Variants in TNIK observed in about 807,000 individuals in gnomAD.
TNIK encodes the protein TRAF2 and NCK interacting kinase, also known as TRAF2 and NCK-interacting protein kinase.
Under a neutral mutation model 191.3 loss-of-function variants are expected in TNIK, and 49 were observed. The ratio of observed to expected loss-of-function variants is 0.26; its 90% CI spans 0.20 to 0.32. The LOEUF (loss-of-function observed/expected upper bound fraction) is 0.32, where lower values mean the gene tolerates loss of function less well. Ranked by LOEUF, TNIK falls within the 10% of genes least tolerant of loss-of-function variation. The pLI, the probability that TNIK is intolerant of heterozygous loss-of-function variation, is 1.00. For missense variants in TNIK, 1,155 were observed against 1,702.3 expected (o/e 0.68, Z 5.66); for synonymous variants, 594 against 600.9 (o/e 0.99, Z 0.17).
intron 1 of TNIK, among the ~76,000 whole-genome samples, chr3:171,385,891 A>C (rs1718663777): frequency 6.6e-6 from 1 of 152,234 alleles, no homozygotes; most frequent in Non-Finnish European, 1.5e-5. Flanking sequence ...ACAAAATGGC[A>C]GACATGCATG....
intron 24 of TNIK, 59 bp downstream of exon 24, chr3:171,087,283 G>A: frequency 2.5e-6 from 4 of 1,603,742 alleles, no homozygotes; most frequent in Non-Finnish European, 3.4e-6. Flanking sequence ...AGAGATCATG[G>A]TTTTAGAACC....
intron 2 of TNIK, among the ~76,000 whole-genome samples, chr3:171,282,404 C>T (rs143189983): frequency 0.022 from 3,142 of 144,776 alleles, 100 homozygotes; most frequent in African/African-American, 0.075. Flanking sequence ...TACAATGGCG[C>T]GATCTCAGCT....
At chr3:171,217,607 G>A (rs1741604082) in intron 3 of TNIK, among the ~76,000 whole-genome samples, 1 of 152,094 alleles carries the variant, frequency 6.6e-6, no homozygotes, top group African/African-American at 2.4e-5. Flanking sequence ...CTATATTCCA[G>A]TCATAATTGT....
intron 5 of TNIK, 139 bp downstream of exon 5, chr3:171,194,383 CACT>C (rs1738410201): frequency 9.8e-6 from 7 of 716,808 alleles, no homozygotes; most frequent in South Asian, 1.9e-5. Flanking sequence ...CCACCACCAC[CACT>C]GATAGGATAA....
intron 1 of TNIK, among the ~76,000 whole-genome samples, chr3:171,412,806 C>T (rs1722574353): frequency 6.6e-6 from 1 of 152,174 alleles, no homozygotes; most frequent in African/African-American, 2.4e-5. Context: ...GGGATAATAC[C>T]ATCTAATTCT....
chr3:171,392,544 C>A (rs1383269906), intron 1 of TNIK, among the ~76,000 whole-genome samples: 2 of 151,920 alleles, frequency 1.3e-5, no homozygotes, highest in African/African-American at 2.4e-5. Flanking sequence ...CTTTGGGAGG[C>A]CAAAGTGGGT....
intron 3 of TNIK, among the ~76,000 whole-genome samples, chr3:171,224,390 AG>A (rs1340239757): frequency 1.3e-5 from 2 of 152,092 alleles, no homozygotes; most frequent in Non-Finnish European, 2.9e-5. Flanking sequence ...TATGCACTTC[AG>A]GGTGTCACTG....
chr3:171,314,936 A>G (rs1754441171), intron 2 of TNIK, among the ~76,000 whole-genome samples: 1 of 152,178 alleles, frequency 6.6e-6, no homozygotes, highest in African/African-American at 2.4e-5. Context: ...TTAATATCAC[A>G]AATTCCTGAG....
intron 1 of TNIK, among the ~76,000 whole-genome samples, chr3:171,423,643 C>G (rs1350420889): frequency 6.6e-6 from 1 of 152,084 alleles, no homozygotes; most frequent in African/African-American, 2.4e-5. Flanking sequence ...AGATACAGAC[C>G]AATGGAACAG....
chr3:171,230,972 T>C (rs1296396804), intron 2 of TNIK, among the ~76,000 whole-genome samples: 1 of 152,204 alleles, frequency 6.6e-6, no homozygotes. Flanking sequence ...ACTCCCCTCA[T>C]TCCTGAGGGA....
At chr3:171,086,951 C>T (rs1313249441) in intron 24 of TNIK, among the ~76,000 whole-genome samples, 1 of 152,174 alleles carries the variant, frequency 6.6e-6, no homozygotes, top group Admixed American at 6.5e-5. Flanking sequence ...TTAAGTCATA[C>T]TTAGTTTGAC....
In TNIK at chr3:171,441,292, C is replaced by T. The variant is rs146707095; in HGVS notation, c.57+18715G>A. On this transcript the variant is annotated intron_variant, in intron 1 of 32. Coordinates refer to ENST00000436636, the MANE Select transcript of TNIK (RefSeq NM_015028.4). ...TTTTCATCACCCAAAAAGATCCCTC[C>T]GGCCCATTTACAGGCACTCCCTGTT... Among the ~76,000 whole-genome samples, 853 of 152,306 alleles carry T rather than the reference C, an allele frequency of 5.6e-3. 11 individuals are homozygous for T. The highest frequency in any genetic ancestry group is 0.02 in the African/African-American group (826 of 41,568).
chr3:171,341,860 C>T (rs1419776913), intron 2 of TNIK, among the ~76,000 whole-genome samples: 1 of 152,142 alleles, frequency 6.6e-6, no homozygotes, highest in Non-Finnish European at 1.5e-5. Flanking sequence ...CAGAGATCTC[C>T]TGAAGTTGGC....
chr3:171,141,859 A>AT (rs1560173039), intron 12 of TNIK, among the ~76,000 whole-genome samples: 1 of 152,244 alleles, frequency 6.6e-6, no homozygotes, highest in Non-Finnish European at 1.5e-5. Flanking sequence ...ACAAGACTTC[A>AT]TTGCATAGCT....
chr3:171,400,015 G>A (rs1387772921), intron 1 of TNIK, among the ~76,000 whole-genome samples: 2 of 152,160 alleles, frequency 1.3e-5, no homozygotes, highest in Non-Finnish European at 2.9e-5. Context: ...CCATTGTCAG[G>A]ATCACAGGAC....
At chr3:171,151,114 T>A (rs1003150279) in intron 12 of TNIK, among the ~76,000 whole-genome samples, 12 of 152,368 alleles carry the variant, frequency 7.9e-5, no homozygotes, top group African/African-American at 2.6e-4. Context: ...AATATTATTT[T>A]ACCAAATGTG....
chr3:171,437,506 C>T (rs992313418), intron 1 of TNIK, among the ~76,000 whole-genome samples: 3 of 152,184 alleles, frequency 2.0e-5, no homozygotes, highest in African/African-American at 7.2e-5. Flanking sequence ...GCCTCCAAGA[C>T]CTATGTCTAA....
In TNIK at chr3:171,417,908, A is replaced by G. The variant is rs186018322; in HGVS notation, c.57+42099T>C. 2.2e-3 allele frequency among the ~76,000 whole-genome samples: 329 copies of G among 152,302 alleles called. 1 individual carries two copies. Among genetic ancestry groups the G allele is most frequent in the African/African-American group, 7.7e-3 (321 of 41,566 alleles). On this transcript the variant is annotated intron_variant, in intron 1 of 32. Coordinates refer to ENST00000436636, the MANE Select transcript of TNIK (RefSeq NM_015028.4). ...TCAGCCAGTGGGAAACAATATACGA[A>G]GCATCTTTATTTCAGCAACTGAGCC...
At chr3:171,230,760 T>G (rs1385261540) in intron 2 of TNIK, among the ~76,000 whole-genome samples, 1 of 152,170 alleles carries the variant, frequency 6.6e-6, no homozygotes, top group African/African-American at 2.4e-5. Flanking sequence ...TGTCTATCAA[T>G]GAACATGTCC....
Sources: allele counts gnomAD v4.1 joint callset (sites outside exome capture counted in the v4.1 genomes callset), GRCh38; gene constraint gnomAD v4.1.1; transcripts MANE v1.5; gene names NCBI Gene and HGNC (gene_info 2026-07-23, HGNC 2026-07-21).